The following SLC25A21 variants were observed in gnomAD, a reference collection of about 807,000 sequenced individuals.
SLC25A21 encodes mitochondrial 2-oxodicarboxylate carrier.
Under a neutral mutation model 43.8 loss-of-function variants are expected in SLC25A21, and 47 were observed. The observed-to-expected ratio is 1.07, with a 90% CI of 0.85 to 1.37. The LOEUF (loss-of-function observed/expected upper bound fraction) is 1.37. Among genes scored for constraint, SLC25A21 ranks in the 40% most tolerant of loss-of-function variants. The pLI, the probability that SLC25A21 is intolerant of heterozygous loss-of-function variation, is 0.00. For synonymous variants in SLC25A21, 131 were observed against 121.3 expected (o/e 1.08, Z -0.52); for missense variants, 352 against 350.2 (o/e 1.00, Z -0.04).
At chr14:36,780,678 T>A (rs557556662) in intron 3 of SLC25A21, among the ~76,000 whole-genome samples, 2 of 152,242 alleles carry the variant, frequency 1.3e-5, no homozygotes, top group East Asian at 1.9e-4. Context: ...ACCACTGTGG[T>A]TGGAAAAGAT....
At chr14:36,863,088 C>T (rs1245239768) in intron 2 of SLC25A21, among the ~76,000 whole-genome samples, 9 of 152,096 alleles carry the variant, frequency 5.9e-5, no homozygotes. Context: ...AGAAATAATT[C>T]ACTTTCCCGT....
chr14:36,690,270 A>G (rs369749531), intron 7 of SLC25A21, among the ~76,000 whole-genome samples: 22 of 152,314 alleles, frequency 1.4e-4, no homozygotes, highest in East Asian at 5.8e-4. Context: ...TAAGAGTAAT[A>G]ATGCTATTAT....
chr14:36,893,255 A>T (rs918679489), intron 1 of SLC25A21, among the ~76,000 whole-genome samples: 5 of 152,134 alleles, frequency 3.3e-5, no homozygotes, highest in African/African-American at 1.2e-4. Context: ...CTGGTGTGAG[A>T]TGATATCTCA....
chr14:36,900,922 C>T (rs985345930), intron 1 of SLC25A21, among the ~76,000 whole-genome samples: 1 of 152,174 alleles, frequency 6.6e-6, no homozygotes, highest in Non-Finnish European at 1.5e-5. Context: ...CTGCATGTTA[C>T]AATCCACAAT....
intron 1 of SLC25A21, among the ~76,000 whole-genome samples, chr14:37,155,162 C>T (rs1053945188): frequency 4.6e-5 from 7 of 151,858 alleles, no homozygotes; most frequent in South Asian, 4.2e-4. Context: ...CCTCTGCTTC[C>T]GAGATTCCAG....
chr14:36,838,358 G>A (rs1433077540), intron 2 of SLC25A21, among the ~76,000 whole-genome samples: 3 of 152,226 alleles, frequency 2.0e-5, no homozygotes, highest in Non-Finnish European at 4.4e-5. Flanking sequence ...AAACACCAGT[G>A]CTGGCAGCTA....
At chr14:37,034,153 A>G (rs1205015288) in intron 1 of SLC25A21, among the ~76,000 whole-genome samples, 1 of 151,940 alleles carries the variant, frequency 6.6e-6, no homozygotes, top group African/African-American at 2.4e-5. Flanking sequence ...AGTAGCTGGT[A>G]CTACAGATGC....
At chr14:36,932,813 G>A (rs1465289199) in intron 1 of SLC25A21, among the ~76,000 whole-genome samples, 1 of 151,716 alleles carries the variant, frequency 6.6e-6, no homozygotes, top group Non-Finnish European at 1.5e-5. Context: ...CATCATGTGT[G>A]TACTTGGAAC....
In SLC25A21 at chr14:36,998,892, C is replaced by A. The variant is rs922694013; in HGVS notation, c.71-123888G>T. Among the ~76,000 whole-genome samples, 4 of 151,948 alleles carry A rather than the reference C, an allele frequency of 2.6e-5. No homozygotes were observed. In the South Asian group the frequency reaches 6.3e-4, roughly 24 times the overall value. On this transcript the variant is annotated intron_variant, in intron 1 of 9. Coordinates refer to ENST00000331299, the MANE Select transcript of SLC25A21 (RefSeq NM_030631.4). ...ATTAGGATGGCCAAAATCCAGAACC[C>A]CAACAATGCCAAACGCTGGAGAGGA...
At chr14:37,128,279 C>T (rs1963330565) in intron 1 of SLC25A21, among the ~76,000 whole-genome samples, 1 of 152,144 alleles carries the variant, frequency 6.6e-6, no homozygotes, top group African/African-American at 2.4e-5. Flanking sequence ...CCAGAAGGAA[C>T]CAGCCCTGCC....
chr14:37,021,141 C>T (rs971831148), intron 1 of SLC25A21, among the ~76,000 whole-genome samples: 5 of 151,964 alleles, frequency 3.3e-5, no homozygotes, highest in South Asian at 2.1e-4. Context: ...TCAGGGAAAA[C>T]GCATAGTGGG....
At chr14:37,119,441 C>T (rs977389462) in intron 1 of SLC25A21, among the ~76,000 whole-genome samples, 21 of 152,012 alleles carry the variant, frequency 1.4e-4, no homozygotes, top group African/African-American at 4.8e-4. Context: ...CCTATAATCC[C>T]AGCTACTCAG....
At chr14:36,798,991 C>A (rs1887774004) in intron 3 of SLC25A21, among the ~76,000 whole-genome samples, 1 of 151,756 alleles carries the variant, frequency 6.6e-6, no homozygotes, top group African/African-American at 2.4e-5. Flanking sequence ...AGAAATGTAA[C>A]CTGGGTGAAT....
intron 6 of SLC25A21, among the ~76,000 whole-genome samples, chr14:36,723,819 G>C (rs1367148359): frequency 1.3e-5 from 2 of 152,184 alleles, no homozygotes; most frequent in Admixed American, 1.3e-4. Context: ...TTGATGCTCT[G>C]TCCCATTTGA....
chr14:36,738,665 G>A (rs1162349530), intron 3 of SLC25A21, among the ~76,000 whole-genome samples: 1 of 152,190 alleles, frequency 6.6e-6, no homozygotes, highest in African/African-American at 2.4e-5. Flanking sequence ...AGGCATGAGA[G>A]CTACTACAAC....
At chr14:37,001,575 C>A (rs1960490761) in intron 1 of SLC25A21, among the ~76,000 whole-genome samples, 1 of 152,062 alleles carries the variant, frequency 6.6e-6, no homozygotes, top group African/African-American at 2.4e-5. Flanking sequence ...TTCTTTCACG[C>A]AACCTTTCAT....
chr14:36,796,168 C>T (rs976619600), intron 3 of SLC25A21, among the ~76,000 whole-genome samples: 3 of 151,990 alleles, frequency 2.0e-5, no homozygotes, highest in African/African-American at 7.3e-5. Flanking sequence ...ATGAAAATGC[C>T]ATAGATAACA....
chr14:36,956,864 T>G (rs531126867), intron 1 of SLC25A21, among the ~76,000 whole-genome samples: 1 of 152,222 alleles, frequency 6.6e-6, no homozygotes, highest in Non-Finnish European at 1.5e-5. Flanking sequence ...ATACATCATG[T>G]CATGTGGATT....
intron 3 of SLC25A21, among the ~76,000 whole-genome samples, chr14:36,806,311 A>G (rs1039499412): frequency 6.6e-6 from 1 of 152,144 alleles, no homozygotes; most frequent in Non-Finnish European, 1.5e-5. Context: ...AGTGCTCCAT[A>G]GCACTGTAGG....
Sources: allele counts gnomAD v4.1 joint callset (sites outside exome capture counted in the v4.1 genomes callset), GRCh38; gene constraint gnomAD v4.1.1; transcripts MANE v1.5; gene names NCBI Gene and HGNC (gene_info 2026-07-23, HGNC 2026-07-21).